The following DLG1 variants were observed in gnomAD, a reference collection of about 807,000 sequenced individuals.
DLG1 encodes the protein disks large homolog 1.
DLG1 carries 42 observed loss-of-function variants against 123.4 expected under a neutral mutation model. That is an observed-to-expected ratio of 0.34 (90% CI 0.27 to 0.44). DLG1 has a LOEUF of 0.44. DLG1 is among the 20% of genes least tolerant of loss of function. The pLI is 1.00. For synonymous variants in DLG1, 317 were observed against 356.2 expected, an observed-to-expected ratio of 0.89 and a Z score of 1.24; for missense variants, 942 against 1,082.6, an observed-to-expected ratio of 0.87 and a Z score of 1.82.
rs367920329 is a variant in DLG1, at chr3:197,095,636, C to T, written c.1547-4610G>A. Among the ~76,000 whole-genome samples the T allele has an allele frequency of 4.3e-4, 66 of 152,210 alleles. 1 individual carries two copies. The East Asian group carries it at 7.3e-3, about 17-fold the overall frequency. Reference sequence around the variant, plus strand: ...CATCACCAATGTTATTAACTTTAATCGCTTGATAAAAGTTGTGTCTGCCAG... The same window carrying T: ...CATCACCAATGTTATTAACTTTAATTGCTTGATAAAAGTTGTGTCTGCCAG... On this transcript the variant is annotated intron_variant, in intron 14 of 24. Transcript: ENST00000667157.
At chr3:197,171,801 G>A (rs1048428468) in intron 5 of DLG1, among the ~76,000 whole-genome samples, 1 of 152,012 alleles carries the variant, frequency 6.6e-6, no homozygotes, top group African/African-American at 2.4e-5. Flanking sequence ...TGACAAATGG[G>A]GATAAAATTA....
chr3:197,098,989 T>C (rs1270525257), intron 14 of DLG1, among the ~76,000 whole-genome samples: 3 of 152,266 alleles, frequency 2.0e-5, no homozygotes, highest in Non-Finnish European at 4.4e-5. Context: ...ATTGATACTT[T>C]TAGTCCTATC....
At position 197,104,999 on chromosome 3, in the gene DLG1, T is replaced by C. The variant is rs1388030280; in HGVS notation, c.1450A>G (p.Ser484Gly). Residue 484 changes from serine to glycine, a missense_variant, in exon 14 of 25, where the codon AGT becomes GGT. Coordinates refer to ENST00000667157, the MANE Select transcript of DLG1 (RefSeq NM_001366207.1). Reference protein sequence around the residue: ...RKGDRIISVNSVDLRAASHEQ... With the variant: ...RKGDRIISVNGVDLRAASHEQ... The stretch of plus-strand genomic sequence containing the variant: ...TGACTAGCAGCTCTGAGGTCAACAC[T>C]GTTTACCTGTAAATCAAACCAAATC... 5.0e-6 allele frequency: 8 copies of C among 1,595,564 alleles called. No individual in the cohort carries two copies. Among genetic ancestry groups the C allele is most frequent in the Non-Finnish European group, 6.8e-6 (8 of 1,172,016 alleles).
At chr3:197,186,581 T>C (rs180912855) in intron 5 of DLG1, among the ~76,000 whole-genome samples, 108 of 151,776 alleles carry the variant, frequency 7.1e-4, no homozygotes, top group African/African-American at 2.5e-3. Context: ...ATTCAAAACA[T>C]GATTATGAAA....
At chr3:197,075,878 G>A (rs772260545) in intron 18 of DLG1, 2 of 1,610,712 alleles carry the variant, frequency 1.2e-6, no homozygotes, top group East Asian at 4.5e-5. Context: ...CTCCTGTAGA[G>A]GGTAGTCCCC....
intron 20 of DLG1, 134 bp downstream of exon 20, chr3:197,066,567 TGTA>T (rs1385568191): frequency 7.9e-6 from 4 of 506,578 alleles, no homozygotes; most frequent in African/African-American, 7.9e-5. Context: ...ATAAAACACA[TGTA>T]GTAAATTTCT....
intron 4 of DLG1, among the ~76,000 whole-genome samples, chr3:197,253,692 G>A (rs962296514): frequency 1.3e-5 from 2 of 152,120 alleles, no homozygotes; most frequent in African/African-American, 4.8e-5. Context: ...GTTAAGAAGG[G>A]GATGGGGTGA....
At chr3:197,111,819 T>C (rs970036530) in intron 13 of DLG1, among the ~76,000 whole-genome samples, 2 of 152,076 alleles carry the variant, frequency 1.3e-5, no homozygotes, top group Non-Finnish European at 2.9e-5. Context: ...AACATACTTG[T>C]TTTGTGTTTC....
intron 22 of DLG1, among the ~76,000 whole-genome samples, 180 bp from the exon 23 acceptor site, chr3:197,060,178 C>T (rs113761705): frequency 0.048 from 7,265 of 152,214 alleles, 208 homozygotes; most frequent in South Asian, 0.074. Flanking sequence ...GCTGAATATG[C>T]ATAATTAATT....
chr3:197,118,896 A>C (rs2149428201), intron 12 of DLG1, among the ~76,000 whole-genome samples: 1 of 152,222 alleles, frequency 6.6e-6, no homozygotes, highest in African/African-American at 2.4e-5. Flanking sequence ...CTTAGTACCT[A>C]GGGAGGCAGA....
chr3:197,268,636 C>T (rs898272196), intron 4 of DLG1, among the ~76,000 whole-genome samples: 4 of 151,862 alleles, frequency 2.6e-5, no homozygotes, highest in Non-Finnish European at 4.4e-5. Context: ...CCAGGCTGAT[C>T]TATACTAAAT....
At chr3:197,153,676 A>AT (rs1170859306) in intron 5 of DLG1, among the ~76,000 whole-genome samples, 1 of 152,022 alleles carries the variant, frequency 6.6e-6, no homozygotes, top group Non-Finnish European at 1.5e-5. Context: ...CACCAATTCA[A>AT]TTTTCTTTTT....
intron 14 of DLG1, among the ~76,000 whole-genome samples, chr3:197,100,710 CAA>C (rs1181522852): frequency 1.3e-5 from 2 of 151,876 alleles, no homozygotes; most frequent in African/African-American, 4.8e-5. Context: ...AGAGTTGCCA[CAA>C]AGATTTTAAG....
At chr3:197,059,633 C>CCACTAGTCACTATTTACACTAGTCA (rs71623333) in intron 23 of DLG1, among the ~76,000 whole-genome samples, 114,248 of 151,840 alleles carry the variant, frequency 0.75, 43,154 homozygotes, top group East Asian at 0.82. Context: ...ACTTCAGTAG[C>CCACTAGTCACTATTTACACTAGTCA]CACTAGTCAC....
intron 4 of DLG1, among the ~76,000 whole-genome samples, chr3:197,195,632 A>G (rs73086572): frequency 0.13 from 19,801 of 152,198 alleles, 1,802 homozygotes; most frequent in African/African-American, 0.25. Flanking sequence ...CAGGAACAGA[A>G]AACAAAATAC....
rs1326735417 is a variant in DLG1, at chr3:197,142,774, G to A, written c.538-6C>T. On this transcript the variant is annotated splice_polypyrimidine_tract_variant and splice_region_variant and intron_variant, in intron 6 of 24. Coordinates refer to ENST00000667157, the MANE Select transcript of DLG1 (RefSeq NM_001366207.1). ...TCTGCATCTGTGCCATTAACCTACA[G>A]GGGAAAAGAAAAGCAGCTCAGAAAC... is the stretch of plus-strand genomic sequence containing the variant. 2 of 1,601,866 alleles carry A rather than the reference G, an allele frequency of 1.2e-6. No individual in the cohort carries two copies. Among genetic ancestry groups the A allele is most frequent in the East Asian group, 2.2e-5 (1 of 44,592 alleles).
intron 4 of DLG1, among the ~76,000 whole-genome samples, chr3:197,217,842 T>C (rs1734889284): frequency 6.6e-6 from 1 of 152,192 alleles, no homozygotes; most frequent in African/African-American, 2.4e-5. Context: ...AAGTGATGGA[T>C]ACATTTACCA....
At chr3:197,101,182 C>A (rs1479132268) in intron 14 of DLG1, among the ~76,000 whole-genome samples, 2 of 152,104 alleles carry the variant, frequency 1.3e-5, no homozygotes, top group Non-Finnish European at 2.9e-5. Context: ...TTAAAAGGGG[C>A]TAGAAGAAAT....
intron 5 of DLG1, among the ~76,000 whole-genome samples, chr3:197,150,232 A>G (rs1024681381): frequency 3.3e-5 from 5 of 152,172 alleles, no homozygotes; most frequent in African/African-American, 1.2e-4. Context: ...AGGAAAAAAA[A>G]AAGTTCATCA....
Sources: gnomAD v4.1 joint callset for allele counts (sites outside exome capture counted in the v4.1 genomes callset) on GRCh38, gnomAD v4.1.1 for gene constraint, MANE v1.5 for transcripts, NCBI Gene and HGNC (gene_info 2026-07-23, HGNC 2026-07-21) for gene names.